PFKP: variants seen among roughly 807,000 people sequenced by gnomAD.
PFKP encodes ATP-dependent 6-phosphofructokinase, platelet type.
PFKP carries 101 observed loss-of-function variants against 94.3 expected under a neutral mutation model. The ratio of observed to expected loss-of-function variants is 1.07; its 90% confidence interval spans 0.91 to 1.26. PFKP has a LOEUF of 1.26. PFKP is among the 50% of genes most tolerant of loss of function. The pLI is 0.00. For synonymous variants in PFKP, 573 were observed against 432.6 expected (o/e 1.32, Z -4.03); for missense variants, 1,145 against 1,103.3 (o/e 1.04, Z -0.53).
At chr10:3,119,335 G>C (rs1837151601) in intron 15 of PFKP, among the ~76,000 whole-genome samples, 2 of 152,242 alleles carry the variant, frequency 1.3e-5, no homozygotes, top group Non-Finnish European at 2.9e-5. Context: ...GCCGGGCGCG[G>C]TGGCTCACGC....
intron 8 of PFKP, 36 bp from the exon 9 acceptor site, chr10:3,108,665 C>T: frequency 2.0e-6 from 3 of 1,535,218 alleles, no homozygotes; most frequent in Non-Finnish European, 2.7e-6. Context: ...GTGTCCGCAT[C>T]ACAGTTCCGC....
intron 16 of PFKP, among the ~76,000 whole-genome samples, chr10:3,126,529 C>T (rs1047005773): frequency 7.2e-5 from 11 of 152,220 alleles, no homozygotes; most frequent in South Asian, 2.1e-4. Flanking sequence ...TGCTTTGCTG[C>T]GGGTTCCATG....
chr10:3,131,038 T>G (rs772829475), intron 17 of PFKP, among the ~76,000 whole-genome samples: 1 of 150,920 alleles, frequency 6.6e-6, no homozygotes, highest in Non-Finnish European at 1.5e-5. Flanking sequence ...AAGATTATAA[T>G]GGAGCTGCCC....
In PFKP at chr10:3,135,768, G is replaced by A. The variant is rs1326999590; in HGVS notation, c.2155G>A (p.Val719Met). ...ATTTACCACCGATGATTCCATTTGT[G>A]TGCTGGGAATAAGCAAAAGAAACGT... ...KKFTTDDSIC[V>M]LGISKRNVIF... Residue 719 changes from valine (V) to methionine (M), a missense_variant, in exon 21 of 22, where the codon GTG (valine) becomes ATG (methionine). Physicochemically the swap from Val to Met is conservative, Grantham distance 21 (BLOSUM62 1). Coordinates refer to ENST00000381125, the MANE Select transcript of PFKP (RefSeq NM_002627.5). The A allele has an allele frequency of 6.2e-7, 1 of 1,613,200 alleles. No homozygotes were observed.
intron 2 of PFKP, among the ~76,000 whole-genome samples, chr10:3,092,383 G>T (rs560259848): frequency 6.6e-6 from 1 of 152,220 alleles, no homozygotes; most frequent in Non-Finnish European, 1.5e-5. Flanking sequence ...TGGGAAGGGG[G>T]TGTGGACAGG....
At chr10:3,127,113 G>A (rs1371225799) in intron 16 of PFKP, among the ~76,000 whole-genome samples, 2 of 152,394 alleles carry the variant, frequency 1.3e-5, no homozygotes, top group African/African-American at 4.8e-5. Context: ...AGGCACGGCC[G>A]GAGTGACTTG....
intron 3 of PFKP, chr10:3,101,118 C>T (rs534159905): frequency 6.0e-4 from 530 of 880,790 alleles, no homozygotes; most frequent in Non-Finnish European, 8.8e-4. Context: ...TGCTGGCTGC[C>T]GTGTGTCTGG....
chr10:3,106,495 G>A (rs1379961497), intron 7 of PFKP, among the ~76,000 whole-genome samples: 1 of 151,764 alleles, frequency 6.6e-6, no homozygotes, highest in Non-Finnish European at 1.5e-5. Flanking sequence ...CTCCACCTGG[G>A]GCTGACTGGG....
chr10:3,079,662 T>TGGGGGGGGGG (rs57588432), intron 1 of PFKP, among the ~76,000 whole-genome samples: 1 of 67,764 alleles, frequency 1.5e-5, no homozygotes, highest in Non-Finnish European at 3.5e-5. Flanking sequence ...GAGAGCGGGG[T>TGGGGGGGGGG]GGGGGGGGGG....
intron 4 of PFKP, 120 bp downstream of exon 4, chr10:3,101,674 C>A (rs1201555075): frequency 1.5e-6 from 1 of 670,322 alleles, no homozygotes; most frequent in Non-Finnish European, 2.4e-6. Flanking sequence ...TTACAGGTCA[C>A]CATCTCAGGA....
intron 1 of PFKP, among the ~76,000 whole-genome samples, chr10:3,079,469 C>T (rs187372178): frequency 0.015 from 2,272 of 152,058 alleles, 27 homozygotes; most frequent in Non-Finnish European, 0.021. Context: ...CTCCTGACCT[C>T]GTGATCTGCC....
At chr10:3,077,302 A>AC (rs1444270473) in intron 1 of PFKP, among the ~76,000 whole-genome samples, 2 of 113,236 alleles carry the variant, frequency 1.8e-5, no homozygotes, top group African/African-American at 3.5e-5. Flanking sequence ...TCACTCTGTC[A>AC]CCAGGCTGGA....
intron 2 of PFKP, among the ~76,000 whole-genome samples, chr10:3,096,848 G>A (rs1261176272): frequency 1.4e-5 from 2 of 141,110 alleles, no homozygotes; most frequent in Non-Finnish European, 3.1e-5. Context: ...GGAGTCCGAG[G>A]CGGGCGGATC....
At chr10:3,112,176 C>A in intron 10 of PFKP, 46 bp from the exon 11 acceptor site, 1 of 1,485,866 alleles carries the variant, frequency 6.7e-7, no homozygotes. Flanking sequence ...CCATGATGCA[C>A]CAGGTCCTGA....
intron 1 of PFKP, among the ~76,000 whole-genome samples, chr10:3,079,385 C>T (rs564432241): frequency 6.6e-6 from 1 of 152,026 alleles, no homozygotes; most frequent in South Asian, 2.1e-4. Context: ...CAGGTGCCCG[C>T]CACCACGCCT....
intron 16 of PFKP, among the ~76,000 whole-genome samples, chr10:3,122,020 C>T (rs1307913004): frequency 1.3e-5 from 2 of 151,718 alleles, no homozygotes; most frequent in Non-Finnish European, 2.9e-5. Context: ...CGGGGTCTCC[C>T]TGTGTTGCCC....
At chr10:3,112,362 G>A in intron 11 of PFKP, 76 bp downstream of exon 11, 5 of 1,089,256 alleles carry the variant, frequency 4.6e-6, no homozygotes. Context: ...AACGTGCTTA[G>A]GGGTTGTGCT....
At chr10:3,084,629 C>G (rs1036209516) in intron 2 of PFKP, among the ~76,000 whole-genome samples, 1 of 151,946 alleles carries the variant, frequency 6.6e-6, no homozygotes, top group African/African-American at 2.4e-5. Context: ...TGGACCCTGG[C>G]CCTGGTGGCA....
At chr10:3,119,520 G>A (rs529338070) in intron 15 of PFKP, among the ~76,000 whole-genome samples, 22 of 152,188 alleles carry the variant, frequency 1.4e-4, no homozygotes, top group Middle Eastern at 6.8e-3. Flanking sequence ...CAGGAGAATC[G>A]CTTGAACCCG....
Sources: allele counts gnomAD v4.1 joint callset (sites outside exome capture counted in the v4.1 genomes callset), GRCh38; gene constraint gnomAD v4.1.1; transcripts MANE v1.5; gene names NCBI Gene and HGNC (gene_info 2026-07-23, HGNC 2026-07-21).